CDH8: variants seen among roughly 807,000 people sequenced by gnomAD.
The protein encoded by CDH8 is cadherin-8.
Under a neutral mutation model 68.1 loss-of-function variants are expected in CDH8, and 17 were observed. The observed-to-expected ratio is 0.25, with a 90% confidence interval of 0.17 to 0.37. The LOEUF (loss-of-function observed/expected upper bound fraction) is 0.37. Ranked by LOEUF, CDH8 falls within the 10% of genes least tolerant of loss-of-function variation. The pLI, the probability that CDH8 is intolerant of heterozygous loss-of-function variation, is 1.00. For synonymous variants in CDH8, 372 were observed against 365.1 expected, an observed-to-expected ratio of 1.02 and a Z score of -0.21; for missense variants, 763 against 999.3, an observed-to-expected ratio of 0.76 and a Z score of 3.19.
intron 3 of CDH8, among the ~76,000 whole-genome samples, chr16:61,860,876 G>A (rs11641364): frequency 0.014 from 2,182 of 152,202 alleles, 32 homozygotes; most frequent in Middle Eastern, 0.065. Context: ...CACAGGCTTC[G>A]TGCGTTTGGT....
chr16:61,977,901 GCA>G (rs67996389), intron 2 of CDH8, among the ~76,000 whole-genome samples: 2,155 of 152,170 alleles, frequency 0.014, 52 homozygotes, highest in African/African-American at 0.049. Context: ...GCACTACTAA[GCA>G]TTCAGTACAT....
At chr16:61,801,050 T>C (rs1387189028) in intron 7 of CDH8, among the ~76,000 whole-genome samples, 1 of 152,034 alleles carries the variant, frequency 6.6e-6, no homozygotes, top group South Asian at 2.1e-4. Flanking sequence ...TCTCTCAGAA[T>C]ATAAGCATTA....
chr16:61,663,040 A>C (rs147398038), intron 10 of CDH8, among the ~76,000 whole-genome samples: 2,185 of 152,134 alleles, frequency 0.014, 57 homozygotes, highest in African/African-American at 0.049. Flanking sequence ...AAAGATCTTC[A>C]TGGGGACTTA....
chr16:61,988,926 A>G (rs925302326), intron 2 of CDH8, among the ~76,000 whole-genome samples: 2 of 152,218 alleles, frequency 1.3e-5, no homozygotes, highest in African/African-American at 4.8e-5. Context: ...CTGCATCAAT[A>G]TAATTTCACT....
In CDH8 at chr16:61,648,954, A is replaced by G. The variant is rs1376387665; in HGVS notation, c.*4654T>C. On this transcript the variant is annotated 3_prime_UTR_variant, in exon 12 of 12. Coordinates refer to ENST00000577390, the MANE Select transcript of CDH8 (RefSeq NM_001796.5). Reference sequence around the variant, plus strand: ...CAATAAATGTATTTTTAAATGATAGATCATAAAGACATGCTCTTCTACAAT... The same window carrying G: ...CAATAAATGTATTTTTAAATGATAGGTCATAAAGACATGCTCTTCTACAAT... 1 of 152,042 alleles carries G rather than the reference A, an allele frequency of 6.6e-6. No individual in the cohort carries two copies. The highest frequency in any genetic ancestry group is 2.1e-4 in the South Asian group (1 of 4,836). 9.4% of individuals were successfully genotyped at this position (152,042 alleles called of 1,614,324 possible).
At chr16:61,948,863 G>C (rs1346493606) in intron 2 of CDH8, among the ~76,000 whole-genome samples, 1 of 152,156 alleles carries the variant, frequency 6.6e-6, no homozygotes, top group East Asian at 1.9e-4. Flanking sequence ...CCCGACATCA[G>C]TGGGTCACAC....
intron 11 of CDH8, 136 bp downstream of exon 11, chr16:61,655,334 A>T: frequency 1.2e-6 from 1 of 821,256 alleles, no homozygotes; most frequent in Non-Finnish European, 1.9e-6. Flanking sequence ...AGATCTCAAA[A>T]TGTGGAGAAG....
At chr16:62,019,769 A>T (rs1040534273) in intron 2 of CDH8, among the ~76,000 whole-genome samples, 5 of 152,194 alleles carry the variant, frequency 3.3e-5, no homozygotes, top group Non-Finnish European at 7.4e-5. Flanking sequence ...ATATATTTGT[A>T]TCCATACATG....
chr16:61,903,868 C>T lies in CDH8; in HGVS notation c.253-2395G>A, dbSNP rs1035489621. On this transcript the variant is annotated intron_variant, in intron 2 of 11. Transcript: ENST00000577390. ...TCAGTCATATGCAACTATCTGAAAA[C>T]ATTGTGATAATCCCAGTTCCAATGT... Among the ~76,000 whole-genome samples the T allele has an allele frequency of 1.4e-4, 21 of 151,980 alleles. 1 individual carries two copies. Among genetic ancestry groups the T allele is most frequent in the Non-Finnish European group, 4.4e-5 (3 of 68,018 alleles).
chr16:61,738,517 C>A (rs911088032), intron 8 of CDH8, among the ~76,000 whole-genome samples: 3 of 152,116 alleles, frequency 2.0e-5, no homozygotes, highest in Admixed American at 6.6e-5. Context: ...TTTAGAGCTA[C>A]TGGAGAGAGA....
chr16:61,713,480 A>G (rs1964667539), intron 10 of CDH8, among the ~76,000 whole-genome samples: 1 of 151,720 alleles, frequency 6.6e-6, no homozygotes, highest in African/African-American at 2.4e-5. Context: ...TAAACATTCA[A>G]TTAAAACTTA....
At chr16:61,960,456 A>T (rs1349918705) in intron 2 of CDH8, among the ~76,000 whole-genome samples, 2 of 151,652 alleles carry the variant, frequency 1.3e-5, no homozygotes, top group Non-Finnish European at 2.9e-5. Flanking sequence ...ACACACAAAC[A>T]CAGAGAGAGT....
At chr16:61,804,285 A>C (rs1961743132) in intron 7 of CDH8, among the ~76,000 whole-genome samples, 1 of 152,074 alleles carries the variant, frequency 6.6e-6, no homozygotes, top group Non-Finnish European at 1.5e-5. Context: ...ACAAAGACAC[A>C]ACATACCAGA....
At chr16:62,015,421 A>G (rs1387148951) in intron 2 of CDH8, among the ~76,000 whole-genome samples, 2 of 151,984 alleles carry the variant, frequency 1.3e-5, no homozygotes, top group Non-Finnish European at 1.5e-5. Flanking sequence ...GTGTGTGTGT[A>G]TTCCAGTTCC....
At chr16:61,703,954 A>G (rs1964483986) in intron 10 of CDH8, among the ~76,000 whole-genome samples, 1 of 152,210 alleles carries the variant, frequency 6.6e-6, no homozygotes, top group South Asian at 2.1e-4. Flanking sequence ...AGCCTCAAAT[A>G]AACACCAACA....
intron 2 of CDH8, among the ~76,000 whole-genome samples, chr16:62,012,385 T>A (rs949900414): frequency 1.3e-5 from 2 of 152,200 alleles, no homozygotes; most frequent in Admixed American, 1.3e-4. Context: ...AGAAAGATTG[T>A]AGCTGTTCTT....
At chr16:61,943,370 G>A (rs1964754121) in intron 2 of CDH8, among the ~76,000 whole-genome samples, 1 of 152,196 alleles carries the variant, frequency 6.6e-6, no homozygotes, top group African/African-American at 2.4e-5. Flanking sequence ...AACAAACAAG[G>A]TGGTAGTAAA....
At chr16:61,959,738 G>C (rs1335440469) in intron 2 of CDH8, among the ~76,000 whole-genome samples, 2 of 149,408 alleles carry the variant, frequency 1.3e-5, no homozygotes, top group African/African-American at 4.9e-5. Context: ...ACACACATAT[G>C]TATGATATCT....
intron 9 of CDH8, among the ~76,000 whole-genome samples, chr16:61,719,576 A>G (rs907891831): frequency 2.0e-5 from 3 of 151,090 alleles, no homozygotes; most frequent in Admixed American, 6.6e-5. Context: ...TTAAAAATCT[A>G]TAGTTCATTT....
Sources: allele counts gnomAD v4.1 joint callset (sites outside exome capture counted in the v4.1 genomes callset), GRCh38; gene constraint gnomAD v4.1.1; transcripts MANE v1.5; gene names NCBI Gene and HGNC (gene_info 2026-07-23, HGNC 2026-07-21).